HPS3: variants seen among roughly 807,000 people sequenced by gnomAD.
HPS3 encodes the protein HPS3 biogenesis of lysosomal organelles complex 2 subunit 1.
In HPS3, 79 loss-of-function variants were observed where a neutral mutation model predicts 110.9. The observed-to-expected ratio is 0.71, with a 90% CI of 0.59 to 0.86. The LOEUF (loss-of-function observed/expected upper bound fraction) is 0.86, where lower values mean the gene tolerates loss of function less well. Ranked by LOEUF, HPS3 falls within the 40% of genes least tolerant of loss-of-function variation. The pLI is 0.00. For synonymous variants in HPS3, 428 were observed against 451.0 expected (o/e 0.95, Z 0.65); for missense variants, 1,197 against 1,206.2 (o/e 0.99, Z 0.11).
rs1477879646 is a variant in HPS3 at position 149,129,669 on chromosome 3, G to C, written c.-55G>C. On this transcript the variant is annotated 5_prime_UTR_variant, in exon 1 of 17. Transcript: ENST00000296051. ...AGTCCTACATTCGCGGTCAGCGCGG[G>C]GTCTCCGGGCGCCCTGCAGGGCGGG... 25 of 1,355,970 alleles carry C rather than the reference G, an allele frequency of 1.8e-5. No homozygotes were observed. In the East Asian group the frequency reaches 6.3e-4, roughly 34 times the overall value. The allele number at this position is 1,355,970 out of a possible 1,614,324, so 84.0% of individuals were successfully genotyped here. A position where few individuals can be genotyped will look rare whatever the true frequency, so the allele number is the denominator to read the frequency against.
chr3:149,158,154 T>C (rs1425172085), intron 9 of HPS3, among the ~76,000 whole-genome samples: 1 of 152,178 alleles, frequency 6.6e-6, no homozygotes, highest in Admixed American at 6.5e-5. Flanking sequence ...ATGAATAATG[T>C]TTTTATTTTT....
chr3:149,165,896 A>C (rs1724366062), intron 14 of HPS3: 1 of 416,046 alleles, frequency 2.4e-6, no homozygotes, highest in Non-Finnish European at 4.8e-6. Context: ...TTGTCAGGAA[A>C]TTATTCACAT....
intron 9 of HPS3, among the ~76,000 whole-genome samples, chr3:149,158,139 C>T (rs529389300): frequency 1.8e-4 from 28 of 152,222 alleles, no homozygotes; most frequent in African/African-American, 6.5e-4. Context: ...GAAAGGGACA[C>T]TGGTATGAAT....
intron 6 of HPS3, among the ~76,000 whole-genome samples, chr3:149,151,206 T>TTATTA (rs576903844): frequency 0.05 from 6,993 of 140,484 alleles, 228 homozygotes; most frequent in Admixed American, 0.082. Context: ...TATTATTATT[T>TTATTA]TTTTTTCTGC....
At chr3:149,152,612 A>G (rs1482135988) in intron 6 of HPS3, among the ~76,000 whole-genome samples, 2 of 152,208 alleles carry the variant, frequency 1.3e-5, no homozygotes, top group African/African-American at 4.8e-5. Context: ...TGGAGCTGTG[A>G]TGTCTGAAAA....
In HPS3 at chr3:149,129,789, G is replaced by C. The variant is rs773089048; in HGVS notation, c.66G>C (p.Pro22=). ...SQQVVPCKLE[P]DRFCGGGRDA... is the part of the protein sequence containing the mutation. ...AGGTGGTGCCCTGCAAGCTGGAGCC[G>C]GACCGGTTCTGTGGCGGGGGGCGTG... The change falls in exon 1 of 17, where the codon CCG becomes CCC. Residue 22 remains proline, a synonymous_variant. Transcript: ENST00000296051. The C allele has an allele frequency of 5.0e-6, 8 of 1,609,326 alleles. No individual in the cohort carries two copies. The African/African-American group carries it at 1.1e-4, about 22-fold the overall frequency.
At chr3:149,156,569 G>A (rs1723469221) in intron 8 of HPS3, among the ~76,000 whole-genome samples, 1 of 147,194 alleles carries the variant, frequency 6.8e-6, no homozygotes, top group African/African-American at 2.5e-5. Context: ...CTTATTTAGG[G>A]TTTGCTTTTT....
chr3:149,130,366 A>C (rs935458625), intron 1 of HPS3: 1 of 180,832 alleles, frequency 5.5e-6, no homozygotes, highest in East Asian at 1.5e-4. Flanking sequence ...AATTATTCCA[A>C]CTCTTGGCAG....
intron 12 of HPS3, 176 bp from the exon 13 acceptor site, chr3:149,162,514 C>A: frequency 1.1e-6 from 1 of 910,682 alleles, no homozygotes. Flanking sequence ...TTTATTTGTA[C>A]ATCCTAGAAT....
chr3:149,141,336 ACAT>A lies in HPS3; in HGVS notation c.929_931del (p.Ile310del). The A allele has an allele frequency of 6.2e-7, 1 of 1,613,746 alleles. No homozygotes were observed. Among genetic ancestry groups the A allele is most frequent in the Non-Finnish European group, 8.5e-7 (1 of 1,179,928 alleles). ...ATTTCGTCCTATGTCTTGTCTGATGACATCAAGCTACATTCCCTCCAGCTGCTA... is the reference window on the plus strand; with the variant it reads ...ATTTCGTCCTATGTCTTGTCTGATGACAAGCTACATTCCCTCCAGCTGCTA... On this transcript the variant is annotated inframe_deletion, in exon 4 of 17. Coordinates refer to ENST00000296051, the MANE Select transcript of HPS3 (RefSeq NM_032383.5).
intron 10 of HPS3, 98 bp downstream of exon 10, chr3:149,158,944 TTTC>T (rs1319318132): frequency 2.3e-6 from 2 of 854,216 alleles, no homozygotes; most frequent in Non-Finnish European, 3.7e-6. Flanking sequence ...TCCAAATATT[TTTC>T]TTCTTTGATA....
intron 16 of HPS3, 146 bp downstream of exon 16, chr3:149,168,129 T>C: frequency 1.6e-6 from 1 of 638,892 alleles, no homozygotes; most frequent in Non-Finnish European, 2.8e-6. Context: ...AGCATTCACG[T>C]ACCCTCCCCT....
intron 3 of HPS3, 31 bp downstream of exon 3, chr3:149,141,219 C>T (rs370670658): frequency 1.9e-5 from 26 of 1,375,678 alleles, no homozygotes; most frequent in Non-Finnish European, 2.5e-5. Context: ...TTTTTACCAG[C>T]ATTTTATGTA....
chr3:149,147,980 C>T (rs1167451487), intron 5 of HPS3, among the ~76,000 whole-genome samples: 2 of 152,102 alleles, frequency 1.3e-5, no homozygotes, highest in African/African-American at 2.4e-5. Flanking sequence ...AAGCAATTCT[C>T]CTGCCTCAAC....
chr3:149,141,238 T>A (rs529089901), intron 3 of HPS3, 50 bp downstream of exon 3: 3 of 1,595,622 alleles, frequency 1.9e-6, no homozygotes, highest in South Asian at 2.2e-5. Context: ...TATATATGCC[T>A]GCTTAAAGTA....
chr3:149,153,261 T>G (rs1353976204), intron 6 of HPS3, among the ~76,000 whole-genome samples: 1 of 152,192 alleles, frequency 6.6e-6, no homozygotes, highest in Non-Finnish European at 1.5e-5. Context: ...TAACTGAGTT[T>G]GTTGGCTGAG....
Position 149,172,305 on chromosome 3 carries a change from T to C in HPS3, c.*83T>C, listed in dbSNP as rs1245942650. The C allele has an allele frequency of 3.2e-6, 3 of 951,686 alleles. No homozygotes were observed. The highest frequency in any genetic ancestry group is 4.8e-6 in the Non-Finnish European group (3 of 621,574). The allele number at this position is 951,686 out of a possible 1,614,324, so 59.0% of individuals were successfully genotyped here. A position where few individuals can be genotyped will look rare whatever the true frequency, so the allele number is the denominator to read the frequency against. Reference sequence around the variant, plus strand: ...TGCCAAAGTACAAGTAGAGGAGTTTTTTATTTTATATATCACACACACACA... The same window carrying C: ...TGCCAAAGTACAAGTAGAGGAGTTTCTTATTTTATATATCACACACACACA... On this transcript the variant is annotated 3_prime_UTR_variant, in exon 17 of 17. Coordinates refer to ENST00000296051, the MANE Select transcript of HPS3 (RefSeq NM_032383.5).
intron 1 of HPS3, among the ~76,000 whole-genome samples, chr3:149,132,553 C>T (rs1721839827): frequency 6.6e-6 from 1 of 152,202 alleles, no homozygotes; most frequent in African/African-American, 2.4e-5. Flanking sequence ...TGACAATGCA[C>T]CTAGTCCCTC....
At chr3:149,133,601 T>C (rs573360397) in intron 1 of HPS3, among the ~76,000 whole-genome samples, 4 of 152,054 alleles carry the variant, frequency 2.6e-5, no homozygotes, top group Admixed American at 1.3e-4. Flanking sequence ...GCCCGGCCCA[T>C]TGTTGTCTTA....
Sources: allele counts gnomAD v4.1 joint callset (sites outside exome capture counted in the v4.1 genomes callset), GRCh38; gene constraint gnomAD v4.1.1; transcripts MANE v1.5; gene names NCBI Gene and HGNC (gene_info 2026-07-23, HGNC 2026-07-21).